The following TENM1 variants were observed in gnomAD, a reference collection of about 807,000 sequenced individuals.
TENM1 encodes teneurin-1.
A neutral mutation model predicts 174.8 loss-of-function variants in TENM1; 35 were observed. That is an observed-to-expected ratio of 0.20 (90% CI 0.15 to 0.27). The LOEUF (loss-of-function observed/expected upper bound fraction) is 0.27. Ranked by LOEUF, TENM1 falls within the 10% of genes least tolerant of loss-of-function variation. The pLI is 1.00. For synonymous variants in TENM1, 781 were observed against 798.7 expected, an observed-to-expected ratio of 0.98 and a Z score of 0.37; for missense variants, 1,633 against 2,130.1, an observed-to-expected ratio of 0.77 and a Z score of 4.59.
chrX:124,953,808 G>A (rs1238961257), intron 1 of TENM1, among the ~76,000 whole-genome samples: 4 of 111,907 alleles, frequency 3.6e-5, no homozygotes, highest in African/African-American at 1.3e-4. Context: ...TATTTAAGAA[G>A]AAAACACTAG....
chrX:124,613,990 A>G (rs974207523), intron 11 of TENM1, among the ~76,000 whole-genome samples: 33 of 111,597 alleles, frequency 3.0e-4, no homozygotes, highest in African/African-American at 1.1e-3. Context: ...TTCAGGGCCT[A>G]TGGAGGACTC....
chrX:125,003,508 G>T, the TENM1 span, among the ~76,000 whole-genome samples: 2 of 111,676 alleles, frequency 1.8e-5, no homozygotes, highest in Admixed American at 1.9e-4. Context: ...GCTTGATTAA[G>T]AATTTTATTT....
intron 4 of TENM1, among the ~76,000 whole-genome samples, chrX:124,729,475 C>T (rs1402327929): frequency 5.4e-5 from 6 of 112,028 alleles, no homozygotes; most frequent in African/African-American, 2.0e-4. Flanking sequence ...TAGTTTAGTC[C>T]AGGGATGTTG....
At chrX:124,977,995 AG>A in the TENM1 span, among the ~76,000 whole-genome samples, 1 of 99,977 alleles carries the variant, frequency 1.0e-5, no homozygotes, top group African/African-American at 3.8e-5. Context: ...AGAGAGAGAG[AG>A]AGAGAGAGAG....
At chrX:124,679,437 T>C (rs1220967897) in intron 5 of TENM1, among the ~76,000 whole-genome samples, 1 of 111,569 alleles carries the variant, frequency 9.0e-6, no homozygotes, top group East Asian at 2.8e-4. Flanking sequence ...GGCTTTCAAC[T>C]AACTCCCGTG....
intron 1 of TENM1, among the ~76,000 whole-genome samples, chrX:124,950,508 A>C (rs2058466709): frequency 8.9e-6 from 1 of 111,963 alleles, no homozygotes. Context: ...ATGCCTTCAA[A>C]ATCAGTGATC....
intron 1 of TENM1, among the ~76,000 whole-genome samples, chrX:124,925,229 T>C (rs952341766): frequency 3.6e-5 from 4 of 110,768 alleles, no homozygotes; most frequent in African/African-American, 1.3e-4. Context: ...ATACTTTGAA[T>C]GATTTTCATG....
At chrX:125,018,092 AAGT>A in the TENM1 span, among the ~76,000 whole-genome samples, 1 of 112,178 alleles carries the variant, frequency 8.9e-6, no homozygotes, top group African/African-American at 3.2e-5. Flanking sequence ...AGAAAACTCA[AAGT>A]TTTGCTTTAA....
At position 124,704,992 on chromosome X, in the gene TENM1, G is replaced by A. The variant is rs188212605; in HGVS notation, c.1015+21C>T. 4.3e-5 allele frequency: 49 copies of A among 1,139,811 alleles called. No homozygotes were observed. In the East Asian group the frequency reaches 1.5e-3, roughly 34 times the overall value. The allele number at this position is 1,139,811 out of a possible 1,213,427, so 93.9% of individuals were successfully genotyped here. On this transcript the variant is annotated intron_variant, in intron 5 of 31. Transcript: ENST00000422452. ...AGACTTTGATTAAGAACAAAACTGAGGCATGACAAAAAGGACTTACCAATC... is the reference window on the plus strand; with the variant it reads ...AGACTTTGATTAAGAACAAAACTGAAGCATGACAAAAAGGACTTACCAATC...
At chrX:125,140,269 A>G in the TENM1 span, among the ~76,000 whole-genome samples, 13 of 112,340 alleles carry the variant, frequency 1.2e-4, no homozygotes, top group Admixed American at 3.8e-4. Context: ...AAAAATGAAT[A>G]AAATGTCATT....
intron 14 of TENM1, among the ~76,000 whole-genome samples, chrX:124,552,550 GAAA>G (rs2048598603): frequency 8.9e-6 from 1 of 111,738 alleles, no homozygotes; most frequent in Admixed American, 9.5e-5. Flanking sequence ...TCTGGGTTGG[GAAA>G]ATACGTTGTT....
the TENM1 span, among the ~76,000 whole-genome samples, chrX:125,186,316 G>A: frequency 1.8e-5 from 2 of 111,189 alleles, no homozygotes; most frequent in Non-Finnish European, 3.8e-5. Flanking sequence ...CTCACTTTTG[G>A]TTCAGTCCTT....
intron 11 of TENM1, among the ~76,000 whole-genome samples, chrX:124,595,438 T>C (rs1323512092): frequency 8.9e-6 from 1 of 112,039 alleles, no homozygotes; most frequent in Admixed American, 9.5e-5. Context: ...CAATCTGAAA[T>C]GCAAATGATT....
chrX:124,850,980 G>A (rs1471042196), intron 3 of TENM1, among the ~76,000 whole-genome samples: 7 of 110,411 alleles, frequency 6.3e-5, no homozygotes, highest in African/African-American at 2.0e-4. Context: ...AGAGCAAGAA[G>A]AACTTCCAAT....
At chrX:124,558,331 TA>T (rs1361374732) in intron 14 of TENM1, among the ~76,000 whole-genome samples, 1 of 111,799 alleles carries the variant, frequency 8.9e-6, no homozygotes, top group African/African-American at 3.2e-5. Flanking sequence ...CACCATTCTT[TA>T]AGTATCAGTT....
the TENM1 span, among the ~76,000 whole-genome samples, chrX:124,994,232 TTTTTTTG>T: frequency 8.8e-5 from 8 of 90,846 alleles, no homozygotes; most frequent in Non-Finnish European, 1.3e-4. Context: ...TTTTTTTTTT[TTTTTTTG>T]GCAATTGACC....
At chrX:124,626,774 C>T (rs2050646007) in intron 11 of TENM1, among the ~76,000 whole-genome samples, 1 of 111,719 alleles carries the variant, frequency 9.0e-6, no homozygotes. Flanking sequence ...TCCCATGAAG[C>T]AGTGTTTTAG....
At chrX:125,166,418 T>G in the TENM1 span, among the ~76,000 whole-genome samples, 1 of 111,071 alleles carries the variant, frequency 9.0e-6, no homozygotes, top group Non-Finnish European at 1.9e-5. Flanking sequence ...TTGTGATGAC[T>G]TTTTCACCGC....
At chrX:124,843,471 G>C (rs7877009) in intron 3 of TENM1, among the ~76,000 whole-genome samples, 1 of 110,360 alleles carries the variant, frequency 9.1e-6, no homozygotes, top group African/African-American at 3.3e-5. Flanking sequence ...GCTGATTCCC[G>C]TTGCCTCCCC....
Sources: allele counts gnomAD v4.1 joint callset (sites outside exome capture counted in the v4.1 genomes callset), GRCh38; gene constraint gnomAD v4.1.1; transcripts MANE v1.5; gene names NCBI Gene and HGNC (gene_info 2026-07-23, HGNC 2026-07-21).